PCDH9: variants seen among roughly 807,000 people sequenced by gnomAD.
PCDH9 encodes protocadherin 9, also known as protocadherin-9.
In PCDH9, 24 loss-of-function variants were observed where a neutral mutation model predicts 70.6. The ratio of observed to expected loss-of-function variants is 0.34; its 90% CI spans 0.25 to 0.48. The LOEUF is 0.48. PCDH9 is among the 20% of genes least tolerant of loss of function. The probability of loss-of-function intolerance (pLI) is 0.99; values close to 1 mark genes in which losing one functional copy is unlikely to be tolerated. For missense variants in PCDH9, 1,281 were observed against 1,503.6 expected (o/e 0.85, Z 2.45); for synonymous variants, 562 against 558.5 (o/e 1.01, Z -0.09).
At chr13:66,320,573 A>C (rs1219415666) in intron 4 of PCDH9, among the ~76,000 whole-genome samples, 1 of 152,032 alleles carries the variant, frequency 6.6e-6, no homozygotes, top group African/African-American at 2.4e-5. Flanking sequence ...TATCTGTCTG[A>C]AACACTCCCA....
chr13:67,049,436 A>C (rs2085282579), intron 2 of PCDH9, among the ~76,000 whole-genome samples: 1 of 152,238 alleles, frequency 6.6e-6, no homozygotes, highest in South Asian at 2.1e-4. Flanking sequence ...ATCATTGTGG[A>C]AAGCTCATCA....
At chr13:67,081,932 C>T (rs1451653223) in intron 2 of PCDH9, among the ~76,000 whole-genome samples, 1 of 151,962 alleles carries the variant, frequency 6.6e-6, no homozygotes, top group Non-Finnish European at 1.5e-5. Context: ...TTTATTGGGG[C>T]CTGATTGGCA....
chr13:66,434,579 A>G lies in PCDH9; in HGVS notation c.3341-129551T>C, dbSNP rs569839812. On this transcript the variant is annotated intron_variant, in intron 4 of 4. Transcript: ENST00000377865. ...GATGATCAATGCTTGTTGAACAGAT[A>G]CAAGTATGAGTAAAGCTAAGGAAAT... Among the ~76,000 whole-genome samples, 532 of 152,184 alleles carry G rather than the reference A, an allele frequency of 3.5e-3. 1 individual carries two copies. The highest frequency in any genetic ancestry group is 0.012 in the South Asian group (59 of 4,832).
At chr13:66,332,913 T>A (rs573756094) in intron 4 of PCDH9, among the ~76,000 whole-genome samples, 7 of 152,148 alleles carry the variant, frequency 4.6e-5, no homozygotes, top group African/African-American at 1.7e-4. Context: ...TGTTTATGAA[T>A]GTTCATTGAG....
rs1295227150 is a variant in PCDH9, at chr13:66,304,648, C to G, written c.*7G>C. The G allele has an allele frequency of 3.1e-6, 5 of 1,610,166 alleles. No individual in the cohort carries two copies. The South Asian group carries it at 5.5e-5, about 18-fold the overall frequency. On this transcript the variant is annotated 3_prime_UTR_variant, in exon 5 of 5. Transcript: ENST00000377865. ...TTTAAAGTTATTAGGTCCCATATAGCCTTTTCTTAGAGTTGGTGCTCCTTA... is the reference window on the plus strand; with the variant it reads ...TTTAAAGTTATTAGGTCCCATATAGGCTTTTCTTAGAGTTGGTGCTCCTTA...
intron 2 of PCDH9, among the ~76,000 whole-genome samples, chr13:67,011,831 G>A (rs2084457065): frequency 6.6e-6 from 1 of 151,832 alleles, no homozygotes; most frequent in African/African-American, 2.4e-5. Flanking sequence ...CTTGTTCCTT[G>A]AAAATATGAC....
chr13:66,691,308 A>T (rs1431011018), intron 3 of PCDH9, among the ~76,000 whole-genome samples: 1 of 152,120 alleles, frequency 6.6e-6, no homozygotes, highest in East Asian at 1.9e-4. Context: ...AAAGTGCTGA[A>T]ATTACAGTCA....
chr13:66,995,454 G>C (rs2084093947), intron 2 of PCDH9, among the ~76,000 whole-genome samples: 2 of 151,986 alleles, frequency 1.3e-5, no homozygotes, highest in South Asian at 4.1e-4. Flanking sequence ...GTGCATAAAA[G>C]TGTCCACCAC....
At chr13:67,166,351 C>A (rs2088116083) in intron 2 of PCDH9, among the ~76,000 whole-genome samples, 1 of 152,150 alleles carries the variant, frequency 6.6e-6, no homozygotes, top group African/African-American at 2.4e-5. Context: ...TAATAGATAA[C>A]TATGAACAAA....
At chr13:66,808,818 G>C (rs1412800339) in intron 3 of PCDH9, among the ~76,000 whole-genome samples, 1 of 152,180 alleles carries the variant, frequency 6.6e-6, no homozygotes, top group African/African-American at 2.4e-5. Context: ...GAGTAATGCA[G>C]TATTTCAGGC....
chr13:67,025,426 G>C (rs1161886226), intron 2 of PCDH9, among the ~76,000 whole-genome samples: 2 of 152,056 alleles, frequency 1.3e-5, no homozygotes, highest in East Asian at 1.9e-4. Context: ...AATTGAGAAA[G>C]TCTTCTTTTT....
At chr13:66,924,849 G>T (rs922476074) in intron 2 of PCDH9, among the ~76,000 whole-genome samples, 1 of 151,764 alleles carries the variant, frequency 6.6e-6, no homozygotes, top group Non-Finnish European at 1.5e-5. Flanking sequence ...TCCATCTGTA[G>T]GGATTTGGAT....
chr13:67,200,621 G>T (rs1282019830), intron 2 of PCDH9, among the ~76,000 whole-genome samples: 1 of 152,064 alleles, frequency 6.6e-6, no homozygotes, highest in African/African-American at 2.4e-5. Context: ...AAATACATTT[G>T]TAAATTGAGC....
intron 3 of PCDH9, among the ~76,000 whole-genome samples, chr13:66,787,368 C>A (rs1269714533): frequency 6.6e-6 from 1 of 152,050 alleles, no homozygotes; most frequent in African/African-American, 2.4e-5. Context: ...GTAATCACAG[C>A]ACTTTGGGAG....
intron 2 of PCDH9, among the ~76,000 whole-genome samples, chr13:67,114,926 G>T (rs1044994120): frequency 3.3e-5 from 5 of 152,108 alleles, no homozygotes; most frequent in African/African-American, 9.7e-5. Context: ...AATTGTGAAC[G>T]GTTTTGACAG....
intron 4 of PCDH9, among the ~76,000 whole-genome samples, chr13:66,609,672 CAT>C (rs563457101): frequency 1.9e-4 from 29 of 151,924 alleles, no homozygotes; most frequent in African/African-American, 6.3e-4. Context: ...TAATTCTGTA[CAT>C]GTCTTTTTTC....
chr13:67,168,941 A>C (rs1350964650), intron 2 of PCDH9, among the ~76,000 whole-genome samples: 1 of 152,240 alleles, frequency 6.6e-6, no homozygotes, highest in Non-Finnish European at 1.5e-5. Context: ...GTCTGGACTC[A>C]TATGATTATG....
At chr13:66,359,601 A>G (rs1465228398) in intron 4 of PCDH9, among the ~76,000 whole-genome samples, 1 of 152,094 alleles carries the variant, frequency 6.6e-6, no homozygotes, top group Non-Finnish European at 1.5e-5. Flanking sequence ...GTCGGCACAG[A>G]AACAATGAAG....
intron 2 of PCDH9, chr13:67,206,642 G>A (rs528357890): frequency 4.6e-5 from 7 of 152,180 alleles, no homozygotes; most frequent in Non-Finnish European, 1.0e-4. Context: ...TTTCTAAATA[G>A]ATATGAAGAT....
Sources: allele counts gnomAD v4.1 joint callset (sites outside exome capture counted in the v4.1 genomes callset), GRCh38; gene constraint gnomAD v4.1.1; transcripts MANE v1.5; gene names NCBI Gene and HGNC (gene_info 2026-07-23, HGNC 2026-07-21).